Variants in DPH6 observed in about 807,000 individuals in gnomAD.
The protein encoded by DPH6 is diphthamine biosynthesis 6.
A neutral mutation model predicts 38.2 loss-of-function variants in DPH6; 33 were observed. The observed-to-expected ratio is 0.86, with a 90% CI of 0.65 to 1.15. DPH6 has a LOEUF of 1.15. Ranked by LOEUF, DPH6 falls within the 50% of genes most tolerant of loss-of-function variation. The pLI is 0.00. For synonymous variants in DPH6, 108 were observed against 103.0 expected (o/e 1.05, Z -0.30); for missense variants, 325 against 320.0 (o/e 1.02, Z -0.12).
intron 5 of DPH6, among the ~76,000 whole-genome samples, chr15:35,412,251 T>C (rs187651925): frequency 6.6e-6 from 1 of 151,698 alleles, no homozygotes; most frequent in Non-Finnish European, 1.5e-5. Context: ...ATCCTCCACA[T>C]CATATGTCAC....
At chr15:35,489,392 A>G in intron 3 of DPH6, 1 of 985,306 alleles carries the variant, frequency 1.0e-6, no homozygotes, top group Non-Finnish European at 1.2e-6. Context: ...TGTCCTTGAA[A>G]CTTTTTGAAT....
intron 3 of DPH6, among the ~76,000 whole-genome samples, chr15:35,291,879 A>G (rs547995252): frequency 3.3e-5 from 5 of 152,088 alleles, no homozygotes; most frequent in Admixed American, 3.3e-4. Flanking sequence ...GATAGTCCTC[A>G]CTTTATTTCC....
intron 3 of DPH6, among the ~76,000 whole-genome samples, chr15:35,282,115 A>G (rs777117222): frequency 2.0e-5 from 3 of 152,072 alleles, no homozygotes; most frequent in Non-Finnish European, 4.4e-5. Context: ...CTAATTTTCT[A>G]GTTCGTTGTT....
At chr15:35,364,962 T>C (rs1038765024) in intron 3 of DPH6, among the ~76,000 whole-genome samples, 5 of 152,086 alleles carry the variant, frequency 3.3e-5, no homozygotes, top group African/African-American at 4.8e-5. Context: ...ATTTTCTATC[T>C]TTGTTTCTCT....
At chr15:35,207,038 CTTTTTTT>C in the DPH6 span, among the ~76,000 whole-genome samples, 9 of 74,076 alleles carry the variant, frequency 1.2e-4, 1 homozygote, top group South Asian at 2.9e-3. Flanking sequence ...TTTAGTAAAG[CTTTTTTT>C]TTTTTTTTTT....
chr15:35,291,305 T>G (rs2051978578), intron 3 of DPH6, among the ~76,000 whole-genome samples: 1 of 152,118 alleles, frequency 6.6e-6, no homozygotes, highest in African/African-American at 2.4e-5. Context: ...ACATTTGACT[T>G]ACGTTGGGAA....
intron 6 of DPH6, among the ~76,000 whole-genome samples, chr15:35,389,956 T>C (rs1350587233): frequency 6.6e-6 from 1 of 152,218 alleles, no homozygotes; most frequent in Non-Finnish European, 1.5e-5. Context: ...TTACAATTTG[T>C]CATGTTTTTG....
intron 3 of DPH6, among the ~76,000 whole-genome samples, chr15:35,286,024 C>T (rs934618917): frequency 1.3e-5 from 2 of 151,802 alleles, no homozygotes; most frequent in Middle Eastern, 3.4e-3. Flanking sequence ...ATCTTTGAGG[C>T]AATGAACTTA....
chr15:35,435,660 C>A (rs1359279050), intron 5 of DPH6, among the ~76,000 whole-genome samples: 2 of 152,146 alleles, frequency 1.3e-5, no homozygotes, highest in Non-Finnish European at 2.9e-5. Flanking sequence ...GTCCTCCTCA[C>A]CCTTCCATGT....
At chr15:35,425,164 T>C (rs2053553290) in intron 5 of DPH6, among the ~76,000 whole-genome samples, 2 of 151,656 alleles carry the variant, frequency 1.3e-5, no homozygotes. Context: ...GAAGTTTTAA[T>C]ACATAAATGT....
chr15:35,300,252 GAGA>G (rs1366937212), intron 3 of DPH6, among the ~76,000 whole-genome samples: 1 of 152,232 alleles, frequency 6.6e-6, no homozygotes, highest in African/African-American at 2.4e-5. Context: ...AGGCCACAGT[GAGA>G]AGCTTGGGTT....
rs2140994083 is a variant in DPH6, at chr15:35,410,824, T to C, written c.567+11A>G. ...GATGGCTACATTTTGAGATCTAGTA[T>C]AAATTCTTACCTCTATGAGATAAGG... is the stretch of plus-strand genomic sequence containing the variant. On this transcript the variant is annotated intron_variant, in intron 6 of 8. Transcript: ENST00000256538. 6 of 1,590,300 alleles carry C rather than the reference T, an allele frequency of 3.8e-6. No individual in the cohort carries two copies. In the East Asian group the frequency reaches 1.1e-4, roughly 30 times the overall value.
Position 35,372,211 on chromosome 15 carries a change from A to T in DPH6, c.751-8T>A. The T allele has an allele frequency of 1.3e-6, 2 of 1,499,610 alleles. No individual in the cohort carries two copies. Among genetic ancestry groups the T allele is most frequent in the Non-Finnish European group, 1.8e-6 (2 of 1,130,358 alleles). The allele number at this position is 1,499,610 out of a possible 1,614,324, so 92.9% of individuals were successfully genotyped here. A position where few individuals can be genotyped will look rare whatever the true frequency, so the allele number is the denominator to read the frequency against. On this transcript the variant is annotated splice_polypyrimidine_tract_variant and splice_region_variant and intron_variant, in intron 8 of 8. Coordinates refer to ENST00000256538, the MANE Select transcript of DPH6 (RefSeq NM_080650.4). ...GTCAGGCACTGAGGACACCTAAAAA[A>T]AAAAGGGAAGGAAAGGGAAGGAAAA...
chr15:35,177,816 C>A, the DPH6 span, among the ~76,000 whole-genome samples: 1 of 151,938 alleles, frequency 6.6e-6, no homozygotes, highest in South Asian at 2.1e-4. Flanking sequence ...GTGGCACATG[C>A]CTGTAATCCC....
chr15:35,538,387 G>A lies in DPH6; in HGVS notation c.199C>T (p.Leu67Phe), dbSNP rs1299658976. 1 of 1,611,046 alleles carries A rather than the reference G, an allele frequency of 6.2e-7. No homozygotes were observed. The highest frequency in any genetic ancestry group is 8.5e-7 in the Non-Finnish European group (1 of 1,177,778). The change falls in exon 3 of 9, where the codon CTT becomes TTT. Residue 67 changes from leucine to phenylalanine, a missense_variant. Leu to Phe is a conservative substitution (Grantham distance 22). Transcript: ENST00000256538. Reference protein sequence around the residue: ...AIDLYAEAMALPLYRRTIRGR... With the variant: ...AIDLYAEAMAFPLYRRTIRGR... The stretch of plus-strand genomic sequence containing the variant: ...CTTATGGTTCGGCGATAGAGGGGAA[G>A]AGCCATTGCTTCTGCATACAAGTCA...
chr15:35,198,290 A>C, the DPH6 span, among the ~76,000 whole-genome samples: 1 of 152,244 alleles, frequency 6.6e-6, no homozygotes, highest in Non-Finnish European at 1.5e-5. Flanking sequence ...CTAGAGAATT[A>C]ACTTGCCTCA....
the DPH6 span, among the ~76,000 whole-genome samples, chr15:35,152,066 A>G: frequency 6.6e-6 from 1 of 152,226 alleles, no homozygotes; most frequent in Non-Finnish European, 1.5e-5. Flanking sequence ...GCTCACATTA[A>G]TTTCAACGTT....
At chr15:35,169,268 T>C in the DPH6 span, among the ~76,000 whole-genome samples, 2 of 152,276 alleles carry the variant, frequency 1.3e-5, no homozygotes, top group African/African-American at 2.4e-5. Flanking sequence ...TGTAAAGAGA[T>C]ATGCTCTGAA....
chr15:35,196,448 T>C, the DPH6 span, among the ~76,000 whole-genome samples: 2 of 152,184 alleles, frequency 1.3e-5, no homozygotes, highest in Non-Finnish European at 2.9e-5. Flanking sequence ...GGAACTCTGC[T>C]TCCTGCCTCA....
Sources: gnomAD v4.1 joint callset for allele counts (sites outside exome capture counted in the v4.1 genomes callset) on GRCh38, gnomAD v4.1.1 for gene constraint, MANE v1.5 for transcripts, NCBI Gene and HGNC (gene_info 2026-07-23, HGNC 2026-07-21) for gene names.